SH3GL2: variants seen among roughly 807,000 people sequenced by gnomAD.
The protein encoded by SH3GL2 is SH3 domain containing GRB2 like 2, endophilin A1, also known as endophilin-A1.
A neutral mutation model predicts 46.0 loss-of-function variants in SH3GL2; 24 were observed. The observed-to-expected ratio is 0.52, with a 90% CI of 0.38 to 0.73. SH3GL2 has a LOEUF of 0.73. Ranked by LOEUF, SH3GL2 falls within the 30% of genes least tolerant of loss-of-function variation. The pLI is 0.00. For missense variants in SH3GL2, 413 were observed against 424.2 expected (o/e 0.97, Z 0.23); for synonymous variants, 196 against 147.1 (o/e 1.33, Z -2.40).
intron 1 of SH3GL2, among the ~76,000 whole-genome samples, chr9:17,680,472 G>T (rs192675387): frequency 6.6e-6 from 1 of 152,188 alleles, no homozygotes; most frequent in East Asian, 1.9e-4. Context: ...GATTGGTGGT[G>T]ATATCCCCTT....
At chr9:17,624,039 C>G (rs907906884) in intron 1 of SH3GL2, among the ~76,000 whole-genome samples, 1 of 152,126 alleles carries the variant, frequency 6.6e-6, no homozygotes, top group African/African-American at 2.4e-5. Context: ...TTCTTTTAAT[C>G]TGAAACATTT....
rs1818231312 is a variant in SH3GL2, at chr9:17,579,381, T to C, written c.45+94T>C. ...GCCGTCCGGCGGCAGCTTGGGGAGTTCGGCACCGAGCCTCGCCCGCGCCGG... is the reference window on the plus strand; with the variant it reads ...GCCGTCCGGCGGCAGCTTGGGGAGTCCGGCACCGAGCCTCGCCCGCGCCGG... On this transcript the variant is annotated intron_variant, in intron 1 of 8. Coordinates refer to ENST00000380607, the MANE Select transcript of SH3GL2 (RefSeq NM_003026.5). The C allele has an allele frequency of 4.1e-6, 3 of 729,512 alleles. No homozygotes were observed. The African/African-American group carries it at 5.6e-5, about 14-fold the overall frequency. The allele number at this position is 729,512 out of a possible 1,614,324, so 45.2% of individuals were successfully genotyped here.
intron 1 of SH3GL2, among the ~76,000 whole-genome samples, chr9:17,716,103 T>G (rs1393625215): frequency 1.3e-5 from 2 of 152,138 alleles, no homozygotes; most frequent in Non-Finnish European, 2.9e-5. Context: ...CTATTTAACT[T>G]TTTGAACAAA....
chr9:17,768,897 G>A (rs1442880050), intron 3 of SH3GL2, among the ~76,000 whole-genome samples: 1 of 152,212 alleles, frequency 6.6e-6, no homozygotes, highest in Non-Finnish European at 1.5e-5. Context: ...AAAATTGAAA[G>A]CACTTATGTG....
intron 1 of SH3GL2, among the ~76,000 whole-genome samples, chr9:17,649,046 C>CT (rs199884438): frequency 1.3e-5 from 2 of 152,062 alleles, no homozygotes; most frequent in African/African-American, 2.4e-5. Flanking sequence ...TCAATGTGGG[C>CT]TTTTTTTCCT....
chr9:17,685,313 G>A (rs1820874487), intron 1 of SH3GL2, among the ~76,000 whole-genome samples: 1 of 152,076 alleles, frequency 6.6e-6, no homozygotes, highest in Non-Finnish European at 1.5e-5. Context: ...TACTTCTTCA[G>A]GGAAAATATT....
intron 1 of SH3GL2, among the ~76,000 whole-genome samples, chr9:17,685,883 C>T (rs892524779): frequency 6.6e-6 from 1 of 151,928 alleles, no homozygotes; most frequent in Non-Finnish European, 1.5e-5. Context: ...TAGGCATGGG[C>T]AAGGACTTCA....
intron 8 of SH3GL2, among the ~76,000 whole-genome samples, chr9:17,795,005 T>G (rs1824237527): frequency 1.3e-5 from 2 of 152,312 alleles, no homozygotes; most frequent in Admixed American, 6.5e-5. Context: ...ATTATTCCGT[T>G]TTCACCACAT....
chr9:17,695,795 C>T (rs917432325), intron 1 of SH3GL2, among the ~76,000 whole-genome samples: 18 of 151,772 alleles, frequency 1.2e-4, no homozygotes, highest in Non-Finnish European at 2.6e-4. Context: ...AAAATGGAAA[C>T]ATTGTGAAAA....
intron 1 of SH3GL2, among the ~76,000 whole-genome samples, chr9:17,630,053 A>G (rs1327512478): frequency 6.6e-6 from 1 of 152,182 alleles, no homozygotes; most frequent in South Asian, 2.1e-4. Flanking sequence ...ATGTTTTGCA[A>G]GTGACTCTCA....
intron 1 of SH3GL2, among the ~76,000 whole-genome samples, chr9:17,602,115 A>G (rs1306813701): frequency 2.0e-5 from 3 of 152,194 alleles, no homozygotes; most frequent in African/African-American, 7.2e-5. Flanking sequence ...TATGACTTAA[A>G]AGAAGAAAAG....
Position 17,657,170 on chromosome 9 carries a change from C to G in SH3GL2, c.45+77883C>G, listed in dbSNP as rs189612869. Reference sequence around the variant, plus strand: ...TTCTTCAGTTTAACTTTTTTTGTGCCTGCTAGTTAGTTGCCAGGCACTTTA... The same window carrying G: ...TTCTTCAGTTTAACTTTTTTTGTGCGTGCTAGTTAGTTGCCAGGCACTTTA... On this transcript the variant is annotated intron_variant, in intron 1 of 8. Coordinates refer to ENST00000380607, the MANE Select transcript of SH3GL2 (RefSeq NM_003026.5). 2.6e-5 allele frequency among the ~76,000 whole-genome samples: 4 copies of G among 152,210 alleles called. No homozygotes were observed. In the East Asian group the frequency reaches 7.7e-4, roughly 29 times the overall value.
At chr9:17,601,929 G>T (rs1166588928) in intron 1 of SH3GL2, among the ~76,000 whole-genome samples, 1 of 152,130 alleles carries the variant, frequency 6.6e-6, no homozygotes, top group East Asian at 1.9e-4. Flanking sequence ...GGTCAAGCTT[G>T]GGAGTCATGG....
intron 1 of SH3GL2, among the ~76,000 whole-genome samples, chr9:17,722,572 G>C (rs911273024): frequency 3.3e-5 from 5 of 151,764 alleles, no homozygotes; most frequent in African/African-American, 1.2e-4. Flanking sequence ...CATGTGCACA[G>C]TGTGCAGGTT....
intron 1 of SH3GL2, among the ~76,000 whole-genome samples, chr9:17,620,937 T>C (rs1015719590): frequency 6.6e-6 from 1 of 152,192 alleles, no homozygotes. Context: ...GCTCACCAAA[T>C]ATACCCTGGT....
chr9:17,754,041 T>A (rs1205625196), intron 2 of SH3GL2, among the ~76,000 whole-genome samples: 1 of 152,178 alleles, frequency 6.6e-6, no homozygotes. Flanking sequence ...GGTTTATGTG[T>A]CTGTTTTTGT....
intron 1 of SH3GL2, among the ~76,000 whole-genome samples, chr9:17,653,148 A>G (rs996768835): frequency 1.3e-5 from 2 of 152,068 alleles, no homozygotes; most frequent in Non-Finnish European, 2.9e-5. Context: ...TTATATTTTC[A>G]TCATGATTAC....
intron 1 of SH3GL2, among the ~76,000 whole-genome samples, chr9:17,695,448 G>A (rs1196149849): frequency 6.6e-6 from 1 of 152,078 alleles, no homozygotes; most frequent in Non-Finnish European, 1.5e-5. Flanking sequence ...CACATAAGGA[G>A]TAAGTGGATT....
intron 1 of SH3GL2, among the ~76,000 whole-genome samples, chr9:17,618,793 T>TTGTGTG (rs149930816): frequency 0.028 from 4,121 of 149,562 alleles, 98 homozygotes; most frequent in Admixed American, 0.037. Context: ...TTGGCTTATT[T>TTGTGTG]TGTGTGTGTG....
Sources: allele counts gnomAD v4.1 joint callset (sites outside exome capture counted in the v4.1 genomes callset), GRCh38; gene constraint gnomAD v4.1.1; transcripts MANE v1.5; gene names NCBI Gene and HGNC (gene_info 2026-07-23, HGNC 2026-07-21).